Variants in NRCAM observed in about 807,000 individuals in gnomAD.
NRCAM encodes the protein neuronal cell adhesion molecule.
A neutral mutation model predicts 156.5 loss-of-function variants in NRCAM; 83 were observed. The ratio of observed to expected loss-of-function variants is 0.53; its 90% CI spans 0.44 to 0.64. The LOEUF (loss-of-function observed/expected upper bound fraction) is 0.64, where lower values mean the gene tolerates loss of function less well. NRCAM is among the 30% of genes least tolerant of loss of function. The probability of loss-of-function intolerance (pLI) is 0.00; values close to 1 mark genes in which losing one functional copy is unlikely to be tolerated. For synonymous variants in NRCAM, 538 were observed against 563.9 expected, an observed-to-expected ratio of 0.95 and a Z score of 0.65; for missense variants, 1,417 against 1,597.3, an observed-to-expected ratio of 0.89 and a Z score of 1.92.
intron 2 of NRCAM, among the ~76,000 whole-genome samples, chr7:108,312,974 G>A (rs1447863691): frequency 1.3e-5 from 2 of 152,188 alleles, no homozygotes; most frequent in Admixed American, 1.3e-4. Flanking sequence ...TTCCAGCCTA[G>A]AGAATCACGT....
At chr7:108,180,086 G>A in intron 25 of NRCAM, 137 bp downstream of exon 25, 1 of 697,160 alleles carries the variant, frequency 1.4e-6, no homozygotes, top group Admixed American at 2.8e-5. Flanking sequence ...AGCTTTGTGT[G>A]TGCTGTATTC....
chr7:108,363,347 C>A (rs1353173165), intron 2 of NRCAM, among the ~76,000 whole-genome samples: 1 of 151,964 alleles, frequency 6.6e-6, no homozygotes, highest in African/African-American at 2.4e-5. Context: ...GCTCATAGTA[C>A]GACGTTGGCT....
chr7:108,313,446 T>A (rs1490697857), intron 2 of NRCAM, among the ~76,000 whole-genome samples: 1 of 152,186 alleles, frequency 6.6e-6, no homozygotes, highest in Non-Finnish European at 1.5e-5. Flanking sequence ...ACTTTGGATT[T>A]CTGGAAACAG....
At chr7:108,450,355 C>G (rs1305172003) in intron 1 of NRCAM, among the ~76,000 whole-genome samples, 2 of 151,038 alleles carry the variant, frequency 1.3e-5, no homozygotes, top group East Asian at 3.9e-4. Context: ...AAATTCCAAT[C>G]TTGTAGGCCA....
intron 3 of NRCAM, among the ~76,000 whole-genome samples, chr7:108,266,054 TTTTC>T (rs921167778): frequency 1.3e-5 from 2 of 152,224 alleles, no homozygotes; most frequent in African/African-American, 4.8e-5. Flanking sequence ...TTCATAAATT[TTTTC>T]TTTTTTTCAT....
At chr7:108,230,069 C>T (rs904058204) in intron 8 of NRCAM, among the ~76,000 whole-genome samples, 1 of 152,156 alleles carries the variant, frequency 6.6e-6, no homozygotes, top group Non-Finnish European at 1.5e-5. Flanking sequence ...TAACTATTAG[C>T]TATTGCTGGG....
chr7:108,387,123 G>A (rs2099743144), intron 2 of NRCAM, among the ~76,000 whole-genome samples: 1 of 152,022 alleles, frequency 6.6e-6, no homozygotes, highest in Admixed American at 6.6e-5. Context: ...ATGACAGAAG[G>A]TAAGTTATGC....
chr7:108,394,846 A>C (rs112688863), intron 2 of NRCAM, among the ~76,000 whole-genome samples: 1,719 of 152,292 alleles, frequency 0.011, 33 homozygotes, highest in African/African-American at 0.037. Context: ...AAAAGATATA[A>C]TTGCCTCAGG....
chr7:108,210,948 A>G (rs1281746180), intron 11 of NRCAM, among the ~76,000 whole-genome samples: 5 of 152,192 alleles, frequency 3.3e-5, no homozygotes, highest in East Asian at 1.9e-4. Flanking sequence ...GCAGAACTAC[A>G]TTGCAGCTCT....
chr7:108,239,824 G>T (rs2095414797), intron 4 of NRCAM, 135 bp downstream of exon 4: 3 of 558,202 alleles, frequency 5.4e-6, no homozygotes, highest in South Asian at 2.3e-5. Flanking sequence ...GGTGCTGAAG[G>T]TAAAAGCCAA....
chr7:108,233,499 T>C (rs2267877), intron 6 of NRCAM, among the ~76,000 whole-genome samples: 36,283 of 152,156 alleles, frequency 0.24, 4,581 homozygotes, highest in Non-Finnish European at 0.26. Context: ...TCAACAATGC[T>C]GAAGAGGATA....
intron 13 of NRCAM, among the ~76,000 whole-genome samples, chr7:108,201,686 C>A (rs1363079311): frequency 6.6e-6 from 1 of 152,146 alleles, no homozygotes; most frequent in Non-Finnish European, 1.5e-5. Flanking sequence ...CACAAACAAA[C>A]CATGTCAGAA....
intron 3 of NRCAM, among the ~76,000 whole-genome samples, chr7:108,290,218 G>A (rs994899069): frequency 6.6e-6 from 1 of 152,032 alleles, no homozygotes; most frequent in African/African-American, 2.4e-5. Context: ...TAATCTTCTT[G>A]CATACTATGT....
chr7:108,236,833 G>A (rs75407675), intron 5 of NRCAM, among the ~76,000 whole-genome samples: 1 of 152,026 alleles, frequency 6.6e-6, no homozygotes, highest in Admixed American at 6.6e-5. Flanking sequence ...CATAGGGAGT[G>A]GGGGAGGGGA....
intron 1 of NRCAM, among the ~76,000 whole-genome samples, chr7:108,441,058 G>A (rs866861154): frequency 4.1e-4 from 63 of 152,258 alleles, no homozygotes; most frequent in Middle Eastern, 3.4e-3. Context: ...TTGTTCTTAA[G>A]CCCAAACTTA....
At chr7:108,217,527 C>T (rs2089944453) in intron 11 of NRCAM, among the ~76,000 whole-genome samples, 1 of 152,216 alleles carries the variant, frequency 6.6e-6, no homozygotes, top group East Asian at 1.9e-4. Context: ...ACAGCTGCCC[C>T]TTCCCCCAGG....
Position 108,207,450 on chromosome 7 carries a change from T to TA in NRCAM, c.1207+77dup, listed in dbSNP as rs1178014380. 7 of 1,435,608 alleles carry TA rather than the reference T, an allele frequency of 4.9e-6. No individual in the cohort carries two copies. In the Admixed American group the frequency reaches 1.3e-4, roughly 27 times the overall value. 88.9% of individuals were successfully genotyped at this position (1,435,608 alleles called of 1,614,324 possible). A position where few individuals can be genotyped will look rare whatever the true frequency, so the allele number is the denominator to read the frequency against. ...CCTTCCTTAACCTGAGTTATTTTTTTATCACCATTTATTCACTGTCGGGAT... is the reference window on the plus strand; with the variant it reads ...CCTTCCTTAACCTGAGTTATTTTTTTAATCACCATTTATTCACTGTCGGGAT... On this transcript the variant is annotated intron_variant, in intron 13 of 32. Coordinates refer to ENST00000379028, the MANE Select transcript of NRCAM (RefSeq NM_001037132.4).
At chr7:108,280,318 A>G (rs146868032) in intron 3 of NRCAM, among the ~76,000 whole-genome samples, 1 of 151,478 alleles carries the variant, frequency 6.6e-6, no homozygotes, top group Non-Finnish European at 1.5e-5. Context: ...TATGTGAGGT[A>G]AAAGCCTCTC....
At chr7:108,393,306 G>A (rs59723458) in intron 2 of NRCAM, among the ~76,000 whole-genome samples, 8,777 of 152,140 alleles carry the variant, frequency 0.058, 843 homozygotes, top group African/African-American at 0.2. Context: ...CTTGCAGATC[G>A]ATCTCAGACT....
Sources: allele counts gnomAD v4.1 joint callset (sites outside exome capture counted in the v4.1 genomes callset), GRCh38; gene constraint gnomAD v4.1.1; transcripts MANE v1.5; gene names NCBI Gene and HGNC (gene_info 2026-07-23, HGNC 2026-07-21).